Variants in AUTS2 observed in about 807,000 individuals in gnomAD.
The protein encoded by AUTS2 is autism susceptibility gene 2 protein.
AUTS2 carries 17 observed loss-of-function variants against 112.4 expected under a neutral mutation model. That is an observed-to-expected ratio of 0.15 (90% CI 0.10 to 0.23). The LOEUF (loss-of-function observed/expected upper bound fraction) is 0.23. Among genes scored for constraint, AUTS2 ranks in the 10% least tolerant of loss-of-function variants. AUTS2 has a pLI of 1.00. For synonymous variants in AUTS2, 751 were observed against 702.7 expected, an observed-to-expected ratio of 1.07 and a Z score of -1.09; for missense variants, 1,510 against 1,701.6, an observed-to-expected ratio of 0.89 and a Z score of 1.98.
At chr7:69,651,269 C>T (rs1288100914) in intron 1 of AUTS2, among the ~76,000 whole-genome samples, 1 of 152,114 alleles carries the variant, frequency 6.6e-6, no homozygotes, top group Non-Finnish European at 1.5e-5. Flanking sequence ...CCTCTGATAA[C>T]CAGTGTTTTT....
intron 2 of AUTS2, among the ~76,000 whole-genome samples, chr7:69,962,648 A>G (rs777976984): frequency 1.1e-4 from 16 of 151,940 alleles, no homozygotes; most frequent in Admixed American, 2.0e-4. Flanking sequence ...CTTTTGTAAA[A>G]TGTTCAGGTC....
intron 5 of AUTS2, among the ~76,000 whole-genome samples, chr7:70,530,725 G>T (rs1381932291): frequency 2.0e-5 from 3 of 152,048 alleles, no homozygotes; most frequent in Non-Finnish European, 4.4e-5. Flanking sequence ...TGTCAGGGGA[G>T]GGGGGATGTT....
intron 5 of AUTS2, among the ~76,000 whole-genome samples, chr7:70,625,737 G>A (rs1051079356): frequency 6.6e-6 from 1 of 152,188 alleles, no homozygotes; most frequent in Non-Finnish European, 1.5e-5. Context: ...GACATGATAT[G>A]TGATAGACCA....
intron 5 of AUTS2, among the ~76,000 whole-genome samples, chr7:70,574,529 C>T (rs1320093973): frequency 2.0e-5 from 3 of 152,142 alleles, no homozygotes; most frequent in African/African-American, 7.2e-5. Context: ...GTACAAGCAA[C>T]GTTTGAACTC....
chr7:69,727,351 G>A (rs940352721), intron 1 of AUTS2, among the ~76,000 whole-genome samples: 2 of 152,224 alleles, frequency 1.3e-5, no homozygotes, highest in East Asian at 1.9e-4. Flanking sequence ...CAGCACTTTG[G>A]GGGGATGAGG....
chr7:70,170,906 G>A (rs911508113), intron 4 of AUTS2, among the ~76,000 whole-genome samples: 2 of 152,060 alleles, frequency 1.3e-5, no homozygotes, highest in Admixed American at 6.6e-5. Flanking sequence ...GCCCCCGGCC[G>A]GGGCACATTG....
chr7:70,093,185 A>G (rs896738123), intron 2 of AUTS2, among the ~76,000 whole-genome samples: 2 of 152,100 alleles, frequency 1.3e-5, no homozygotes, highest in South Asian at 2.1e-4. Flanking sequence ...AGACAGATCA[A>G]TTACTTATGG....
Position 70,791,164 on chromosome 7 carries a change from A to G in AUTS2, c.*168A>G. 1.6e-6 allele frequency: 1 copy of G among 627,994 alleles called. No homozygotes were observed. Among genetic ancestry groups the G allele is most frequent in the Non-Finnish European group, 2.3e-6 (1 of 431,640 alleles). 38.9% of individuals were successfully genotyped at this position (627,994 alleles called of 1,614,324 possible). Reference sequence around the variant, plus strand: ...GTGCACATTTTGAAATGTTTTGTATATTATATGTTGAGATTTTTCAGATCT... The same window carrying G: ...GTGCACATTTTGAAATGTTTTGTATGTTATATGTTGAGATTTTTCAGATCT... On this transcript the variant is annotated 3_prime_UTR_variant, in exon 19 of 19. Transcript: ENST00000342771.
At chr7:70,539,292 T>G (rs1042927145) in intron 5 of AUTS2, among the ~76,000 whole-genome samples, 3 of 152,208 alleles carry the variant, frequency 2.0e-5, no homozygotes, top group African/African-American at 7.2e-5. Context: ...AGTTTGGGGC[T>G]TTCTGTCAAC....
intron 1 of AUTS2, among the ~76,000 whole-genome samples, chr7:69,672,707 G>A (rs752634140): frequency 6.6e-6 from 1 of 152,190 alleles, no homozygotes; most frequent in Non-Finnish European, 1.5e-5. Flanking sequence ...CAGTGATATT[G>A]TGGCACAATT....
Position 70,791,477 on chromosome 7 carries a change from A to G in AUTS2, c.*481A>G, listed in dbSNP as rs968992026. The G allele has an allele frequency of 3.2e-5, 5 of 153,928 alleles. No individual in the cohort carries two copies. The highest frequency in any genetic ancestry group is 7.2e-5 in the African/African-American group (3 of 41,508). 9.5% of individuals were successfully genotyped at this position (153,928 alleles called of 1,614,324 possible). The stretch of plus-strand genomic sequence containing the variant: ...ACTTTGTACAAATGTAAATAGATAA[A>G]GTAACATAATACATTAATACTTCTT... On this transcript the variant is annotated 3_prime_UTR_variant, in exon 19 of 19. Coordinates refer to ENST00000342771, the MANE Select transcript of AUTS2 (RefSeq NM_015570.4).
chr7:70,681,525 ATT>A (rs11312953), intron 5 of AUTS2, among the ~76,000 whole-genome samples: 2,870 of 97,862 alleles, frequency 0.029, 71 homozygotes, highest in African/African-American at 0.082. Flanking sequence ...ATATATATAT[ATT>A]TTTTTTTTCT....
chr7:69,939,186 G>T (rs893975697), intron 2 of AUTS2, among the ~76,000 whole-genome samples: 1 of 152,106 alleles, frequency 6.6e-6, no homozygotes, highest in Non-Finnish European at 1.5e-5. Context: ...GGCTTAATTT[G>T]TAGAGGGCTC....
intron 4 of AUTS2, among the ~76,000 whole-genome samples, chr7:70,429,027 C>T (rs1189839135): frequency 6.6e-6 from 1 of 152,208 alleles, no homozygotes; most frequent in Admixed American, 6.5e-5. Flanking sequence ...AAGATATTTT[C>T]TTCTGGGCCC....
At chr7:70,080,450 G>A (rs1803246338) in intron 2 of AUTS2, among the ~76,000 whole-genome samples, 1 of 152,194 alleles carries the variant, frequency 6.6e-6, no homozygotes, top group Non-Finnish European at 1.5e-5. Context: ...GTAGATATAA[G>A]AATTGCACAT....
intron 4 of AUTS2, among the ~76,000 whole-genome samples, chr7:70,254,574 T>C (rs1756559401): frequency 1.3e-5 from 2 of 152,340 alleles, no homozygotes; most frequent in South Asian, 2.1e-4. Flanking sequence ...TCCCAAACAC[T>C]GTCCGTTTGT....
chr7:70,670,593 C>T (rs796301982), intron 5 of AUTS2, among the ~76,000 whole-genome samples: 10 of 152,240 alleles, frequency 6.6e-5, no homozygotes, highest in South Asian at 2.1e-4. Flanking sequence ...GACATTTAGT[C>T]GCTCCCTCGT....
intron 2 of AUTS2, among the ~76,000 whole-genome samples, chr7:69,901,666 C>T (rs879294427): frequency 4.6e-5 from 7 of 151,976 alleles, no homozygotes; most frequent in Non-Finnish European, 1.0e-4. Flanking sequence ...TATCTTTGGC[C>T]CTATGTAAAA....
chr7:69,678,738 C>T (rs565959015), intron 1 of AUTS2, among the ~76,000 whole-genome samples: 110 of 152,298 alleles, frequency 7.2e-4, no homozygotes, highest in African/African-American at 2.5e-3. Flanking sequence ...GCACACAAAA[C>T]GAGAAAGACA....
Sources: allele counts gnomAD v4.1 joint callset (sites outside exome capture counted in the v4.1 genomes callset), GRCh38; gene constraint gnomAD v4.1.1; transcripts MANE v1.5; gene names NCBI Gene and HGNC (gene_info 2026-07-23, HGNC 2026-07-21).